DUXA: variants seen among roughly 807,000 people sequenced by gnomAD.
DUXA encodes the protein double homeobox A, also known as double homeobox protein A.
DUXA carries 25 observed loss-of-function variants against 27.5 expected under a neutral mutation model. That is an observed-to-expected ratio of 0.91 (90% CI 0.66 to 1.27). The LOEUF (loss-of-function observed/expected upper bound fraction) is 1.27. DUXA is among the 50% of genes most tolerant of loss of function. The probability of loss-of-function intolerance (pLI) is 0.00; values close to 1 mark genes in which losing one functional copy is unlikely to be tolerated. For missense variants in DUXA, 247 were observed against 242.9 expected, an observed-to-expected ratio of 1.02 and a Z score of -0.11; for synonymous variants, 90 against 80.5, an observed-to-expected ratio of 1.12 and a Z score of -0.63.
intron 1 of DUXA, among the ~76,000 whole-genome samples, chr19:57,165,973 G>T (rs757679522): frequency 2.0e-5 from 3 of 152,114 alleles, no homozygotes; most frequent in African/African-American, 7.2e-5. Flanking sequence ...CAAGAGTAGA[G>T]AGTGCAGGGG....
chr19:57,161,194 G>A (rs530513490), intron 1 of DUXA, among the ~76,000 whole-genome samples: 7 of 151,584 alleles, frequency 4.6e-5, no homozygotes, highest in South Asian at 2.1e-4. Context: ...TCGTGGTGGC[G>A]TGTGCCTGTA....
At chr19:57,166,588 G>A (rs905536969) in intron 1 of DUXA, among the ~76,000 whole-genome samples, 2 of 152,182 alleles carry the variant, frequency 1.3e-5, no homozygotes, top group Non-Finnish European at 2.9e-5. Flanking sequence ...GATTACAGGC[G>A]TGAGCCACGG....
intron 1 of DUXA, among the ~76,000 whole-genome samples, chr19:57,161,753 G>A (rs368327320): frequency 6.6e-6 from 1 of 152,200 alleles, no homozygotes; most frequent in South Asian, 2.1e-4. Flanking sequence ...TCTAAGTCAA[G>A]AATGCATGCA....
intron 5 of DUXA, among the ~76,000 whole-genome samples, 180 bp from the exon 6 acceptor site, chr19:57,154,662 C>T (rs2122686467): frequency 6.6e-6 from 1 of 151,826 alleles, no homozygotes; most frequent in Admixed American, 6.6e-5. Context: ...CTCCCGGGTT[C>T]ACGCCATGCT....
intron 4 of DUXA, 140 bp downstream of exon 4, chr19:57,158,188 G>A (rs1431710259): frequency 4.2e-6 from 4 of 952,908 alleles, no homozygotes; most frequent in Non-Finnish European, 6.4e-6. Context: ...CCTGGGGGTA[G>A]AAGCCAGCAG....
At chr19:57,156,867 T>C (rs537732039) in intron 4 of DUXA, among the ~76,000 whole-genome samples, 3 of 152,300 alleles carry the variant, frequency 2.0e-5, no homozygotes, top group Admixed American at 6.5e-5. Flanking sequence ...GGTTTCTCCA[T>C]GTTGGTCAGG....
At chr19:57,165,324 A>ATATATATATATATATATATGT (rs1555759590) in intron 1 of DUXA, among the ~76,000 whole-genome samples, 1 of 89,286 alleles carries the variant, frequency 1.1e-5, no homozygotes. Flanking sequence ...AAAAAAAAAA[A>ATATATATATATATATATATGT]ATATATATAT....
At chr19:57,154,929 C>A (rs2086984826) in intron 5 of DUXA, among the ~76,000 whole-genome samples, 1 of 152,216 alleles carries the variant, frequency 6.6e-6, no homozygotes, top group African/African-American at 2.4e-5. Flanking sequence ...CTGCCCCTGG[C>A]AGACCACACC....
chr19:57,166,274 T>C (rs1021274243), intron 1 of DUXA, among the ~76,000 whole-genome samples: 1 of 152,144 alleles, frequency 6.6e-6, no homozygotes, highest in Non-Finnish European at 1.5e-5. Flanking sequence ...GTTGAAGGTT[T>C]TGAGCAGATA....
At chr19:57,156,724 G>C (rs1490141179) in intron 4 of DUXA, among the ~76,000 whole-genome samples, 1 of 152,142 alleles carries the variant, frequency 6.6e-6, no homozygotes, top group Admixed American at 6.6e-5. Flanking sequence ...AATTGCAGTG[G>C]CGTGATCTCG....
Position 57,163,954 on chromosome 19 carries a change from A to T in DUXA, c.26-3157T>A, listed in dbSNP as rs538840134. 9.9e-5 allele frequency among the ~76,000 whole-genome samples: 15 copies of T among 152,190 alleles called. No individual in the cohort carries two copies. The South Asian group carries it at 3.1e-3, about 32-fold the overall frequency. On this transcript the variant is annotated intron_variant, in intron 1 of 5. Coordinates refer to ENST00000554048, the MANE Select transcript of DUXA (RefSeq NM_001012729.2). ...TTTAGACTGGGCGTAGGTGGCTCAC[A>T]CCTATAATCCCATCACCTTGAGAGG... is the stretch of plus-strand genomic sequence containing the variant.
intron 3 of DUXA, 131 bp downstream of exon 3, chr19:57,159,036 C>T (rs887259137): frequency 2.2e-5 from 15 of 691,690 alleles, no homozygotes; most frequent in South Asian, 1.4e-4. Flanking sequence ...TTCTAGGGTA[C>T]GATGAACCCT....
intron 1 of DUXA, among the ~76,000 whole-genome samples, chr19:57,163,363 A>C (rs1442097682): frequency 6.6e-6 from 1 of 151,948 alleles, no homozygotes; most frequent in African/African-American, 2.4e-5. Context: ...CCCAGGCTGT[A>C]TGAGACTCCT....
chr19:57,166,129 C>T (rs918592468), intron 1 of DUXA, among the ~76,000 whole-genome samples: 1 of 151,830 alleles, frequency 6.6e-6, no homozygotes, highest in Non-Finnish European at 1.5e-5. Context: ...TGGGCTGGGA[C>T]GCTGCCTGTC....
intron 5 of DUXA, among the ~76,000 whole-genome samples, chr19:57,154,816 G>A (rs939481451): frequency 6.6e-6 from 1 of 152,084 alleles, no homozygotes; most frequent in Non-Finnish European, 1.5e-5. Flanking sequence ...GCCCACCTCG[G>A]CCTCCCAAAG....
rs749610349 is a variant in DUXA, at chr19:57,158,304, G to C, written c.438+24C>G. ...GTATACCTAGATCCCTAGGAGATGGGACAACCACCTTCTTATCACTCACTT... is the reference window on the plus strand; with the variant it reads ...GTATACCTAGATCCCTAGGAGATGGCACAACCACCTTCTTATCACTCACTT... On this transcript the variant is annotated intron_variant, in intron 4 of 5. Coordinates refer to ENST00000554048, the MANE Select transcript of DUXA (RefSeq NM_001012729.2). 4.7e-5 allele frequency: 76 copies of C among 1,610,802 alleles called. No homozygotes were observed. In the East Asian group the frequency reaches 1.6e-3, roughly 34 times the overall value.
chr19:57,156,433 A>T (rs1334242934), intron 4 of DUXA, among the ~76,000 whole-genome samples: 1 of 151,850 alleles, frequency 6.6e-6, no homozygotes, highest in Non-Finnish European at 1.5e-5. Context: ...ACAAAATCTC[A>T]CTCTATCGCC....
At chr19:57,161,492 G>A (rs554503070) in intron 1 of DUXA, among the ~76,000 whole-genome samples, 114 of 149,722 alleles carry the variant, frequency 7.6e-4, no homozygotes, top group East Asian at 3.1e-3. Context: ...GCGCAGTGGC[G>A]GGCACCTGTA....
chr19:57,155,162 G>A (rs936836428), intron 5 of DUXA, 105 bp downstream of exon 5: 78 of 996,390 alleles, frequency 7.8e-5, no homozygotes, highest in Non-Finnish European at 1.1e-4. Context: ...CTTGAGTGGG[G>A]ATATCCTCCA....
Sources: gnomAD v4.1 joint callset for allele counts (sites outside exome capture counted in the v4.1 genomes callset) on GRCh38, gnomAD v4.1.1 for gene constraint, MANE v1.5 for transcripts, NCBI Gene and HGNC (gene_info 2026-07-23, HGNC 2026-07-21) for gene names.